MACROD2: variants seen among roughly 807,000 people sequenced by gnomAD.
The protein encoded by MACROD2 is mono-ADP ribosylhydrolase 2.
In MACROD2, 36 loss-of-function variants were observed where a neutral mutation model predicts 70.4. The ratio of observed to expected loss-of-function variants is 0.51; its 90% CI spans 0.39 to 0.68. The LOEUF (loss-of-function observed/expected upper bound fraction) is 0.68. Ranked by LOEUF, MACROD2 falls within the 30% of genes least tolerant of loss-of-function variation. The pLI, the probability that MACROD2 is intolerant of heterozygous loss-of-function variation, is 0.00. For missense variants in MACROD2, 496 were observed against 538.4 expected (o/e 0.92, Z 0.78); for synonymous variants, 172 against 178.8 (o/e 0.96, Z 0.30).
rs913431243 is a variant in MACROD2 at position 15,675,826 on chromosome 20, C to T, written c.645+175979C>T. Among the ~76,000 whole-genome samples, 4 of 152,266 alleles carry T rather than the reference C, an allele frequency of 2.6e-5. 1 individual carries two copies. The highest frequency in any genetic ancestry group is 2.6e-4 in the Admixed American group (4 of 15,298). On this transcript the variant is annotated intron_variant, in intron 8 of 17. Coordinates refer to ENST00000684519, the MANE Select transcript of MACROD2 (RefSeq NM_001351661.2). ...ATCTTTGTTACATAACCTTCAGGAACTTGCTGAGGACAAGTGTAACCTCTT... is the reference window on the plus strand; with the variant it reads ...ATCTTTGTTACATAACCTTCAGGAATTTGCTGAGGACAAGTGTAACCTCTT...
chr20:14,212,846 G>A (rs1381874011), intron 3 of MACROD2, among the ~76,000 whole-genome samples: 1 of 151,690 alleles, frequency 6.6e-6, no homozygotes, highest in Non-Finnish European at 1.5e-5. Context: ...CCACTCAATA[G>A]AGGAAGGTTT....
intron 3 of MACROD2, among the ~76,000 whole-genome samples, chr20:14,430,487 G>A (rs1460975742): frequency 2.0e-5 from 3 of 152,138 alleles, no homozygotes; most frequent in Non-Finnish European, 4.4e-5. Flanking sequence ...AGGAGAGAAA[G>A]GCATTAAAAA....
rs1288041704 is a variant in MACROD2 at position 14,217,808 on chromosome 20, A to C, written c.271+132080A>C. The stretch of plus-strand genomic sequence containing the variant: ...AGTTTATGTGTGTAAAGGTGTTCAT[A>C]GTAGCCTTGAATGATCTTTCATATT... On this transcript the variant is annotated intron_variant, in intron 3 of 17. Transcript: ENST00000684519. Among the ~76,000 whole-genome samples, 3 of 152,150 alleles carry C rather than the reference A, an allele frequency of 2.0e-5. No individual in the cohort carries two copies. In the East Asian group the frequency reaches 5.8e-4, roughly 29 times the overall value.
chr20:14,103,968 A>T (rs2054333874), intron 3 of MACROD2, among the ~76,000 whole-genome samples: 1 of 152,148 alleles, frequency 6.6e-6, no homozygotes, highest in Non-Finnish European at 1.5e-5. Flanking sequence ...GGAAGCATGA[A>T]AGTTTTAAAA....
chr20:15,935,507 G>A (rs528860940), intron 11 of MACROD2, among the ~76,000 whole-genome samples: 3 of 152,274 alleles, frequency 2.0e-5, no homozygotes, highest in African/African-American at 4.8e-5. Context: ...CAAAATAAAA[G>A]TATCTTCTTT....
chr20:15,526,883 A>G (rs1418239724), intron 8 of MACROD2, among the ~76,000 whole-genome samples: 1 of 152,198 alleles, frequency 6.6e-6, no homozygotes, highest in African/African-American at 2.4e-5. Context: ...AAAGATGTGC[A>G]GTCCCCAAAT....
At chr20:16,007,692 T>C (rs1032827133) in intron 15 of MACROD2, among the ~76,000 whole-genome samples, 3 of 152,154 alleles carry the variant, frequency 2.0e-5, no homozygotes, top group Non-Finnish European at 4.4e-5. Context: ...GAGTAAAATA[T>C]ACCTGACCAG....
At chr20:14,231,779 C>G (rs2122207301) in intron 3 of MACROD2, among the ~76,000 whole-genome samples, 1 of 152,338 alleles carries the variant, frequency 6.6e-6, no homozygotes, top group East Asian at 1.9e-4. Flanking sequence ...GTTCCTGTTT[C>G]TCCACATCCT....
chr20:15,012,457 G>A (rs1283333299), intron 5 of MACROD2, among the ~76,000 whole-genome samples: 1 of 152,148 alleles, frequency 6.6e-6, no homozygotes, highest in African/African-American at 2.4e-5. Context: ...TAATGTGGGG[G>A]TCCAAGCCTG....
At chr20:15,271,104 A>G (rs960457631) in intron 6 of MACROD2, among the ~76,000 whole-genome samples, 2 of 152,202 alleles carry the variant, frequency 1.3e-5, no homozygotes, top group African/African-American at 2.4e-5. Flanking sequence ...AATTTGTTCT[A>G]GCTGCTGTAA....
chr20:15,804,302 T>A (rs2063750714), intron 8 of MACROD2, among the ~76,000 whole-genome samples: 1 of 152,230 alleles, frequency 6.6e-6, no homozygotes, highest in South Asian at 2.1e-4. Flanking sequence ...ACAAATGCTG[T>A]CCTTATGTGT....
rs762198879 is a variant in MACROD2, at chr20:16,044,621, CAAG to C, written c.1287_1289del (p.Glu429del). ...GGTAAATGACCCAACAGAGAGTCAACAAGAAGATCAACTAATAGGTAAGATGCC... is the reference window on the plus strand; with the variant it reads ...GGTAAATGACCCAACAGAGAGTCAACAAGATCAACTAATAGGTAAGATGCC... On this transcript the variant is annotated inframe_deletion, in exon 17 of 18. Transcript: ENST00000684519. 3 of 1,611,574 alleles carry C rather than the reference CAAG, an allele frequency of 1.9e-6. No individual in the cohort carries two copies. The highest frequency in any genetic ancestry group is 2.2e-5 in the South Asian group (2 of 90,936).
At chr20:14,259,951 A>C (rs1388674195) in intron 3 of MACROD2, among the ~76,000 whole-genome samples, 1 of 152,172 alleles carries the variant, frequency 6.6e-6, no homozygotes, top group Non-Finnish European at 1.5e-5. Context: ...AAGTTCCTTA[A>C]TTCATGAATC....
chr20:15,998,020 A>G (rs1417459095), intron 15 of MACROD2, among the ~76,000 whole-genome samples: 2 of 152,172 alleles, frequency 1.3e-5, no homozygotes, highest in Non-Finnish European at 2.9e-5. Flanking sequence ...CATATGTTGA[A>G]CCATCCTTGA....
chr20:16,027,751 A>G (rs1206733769), intron 15 of MACROD2, among the ~76,000 whole-genome samples: 1 of 152,224 alleles, frequency 6.6e-6, no homozygotes, highest in Non-Finnish European at 1.5e-5. Context: ...TGCTGTGTAC[A>G]GATTTAGCTG....
intron 4 of MACROD2, among the ~76,000 whole-genome samples, chr20:14,511,187 G>A (rs926684061): frequency 6.6e-6 from 1 of 152,054 alleles, no homozygotes. Context: ...AGTGTTGACA[G>A]GAGGGAGGCT....
At chr20:14,559,113 G>A (rs1308080297) in intron 4 of MACROD2, among the ~76,000 whole-genome samples, 1 of 151,694 alleles carries the variant, frequency 6.6e-6, no homozygotes, top group African/African-American at 2.4e-5. Flanking sequence ...GAGATAGTAT[G>A]AACTTTAAAA....
In MACROD2 at chr20:14,037,645, G is replaced by C. The variant is rs1258630471; in HGVS notation, c.163+35241G>C. ...ACACGCCAACTGTGTGTGTGTTGGT[G>C]GGGGGGGTAGTTAGTAACCATGGAG... is the stretch of plus-strand genomic sequence containing the variant. On this transcript the variant is annotated intron_variant, in intron 2 of 17. Coordinates refer to ENST00000684519, the MANE Select transcript of MACROD2 (RefSeq NM_001351661.2). 5.9e-5 allele frequency among the ~76,000 whole-genome samples: 3 copies of C among 50,950 alleles called. No homozygotes were observed. The East Asian group carries it at 1.7e-3, about 29-fold the overall frequency. The allele number at this position is 50,950 out of a possible 152,430, so 33.4% of individuals were successfully genotyped here.
intron 3 of MACROD2, among the ~76,000 whole-genome samples, chr20:14,104,620 T>C (rs896143207): frequency 1.3e-5 from 2 of 152,186 alleles, no homozygotes; most frequent in South Asian, 2.1e-4. Flanking sequence ...AGGTTTTACC[T>C]TAGGCAAGAA....
Sources: gnomAD v4.1 joint callset for allele counts (sites outside exome capture counted in the v4.1 genomes callset) on GRCh38, gnomAD v4.1.1 for gene constraint, MANE v1.5 for transcripts, NCBI Gene and HGNC (gene_info 2026-07-23, HGNC 2026-07-21) for gene names.